The following RAF1 variants were observed in gnomAD, a reference collection of about 807,000 sequenced individuals.
The protein encoded by RAF1 is RAF proto-oncogene serine/threonine-protein kinase.
In RAF1, 27 loss-of-function variants were observed where a neutral mutation model predicts 81.1. That is an observed-to-expected ratio of 0.33 (90% confidence interval 0.25 to 0.46). RAF1 has a LOEUF of 0.46. Ranked by LOEUF, RAF1 falls within the 20% of genes least tolerant of loss-of-function variation. RAF1 has a pLI of 1.00. For synonymous variants in RAF1, 298 were observed against 294.0 expected, an observed-to-expected ratio of 1.01 and a Z score of -0.14; for missense variants, 598 against 826.0, an observed-to-expected ratio of 0.72 and a Z score of 3.38.
intron 1 of RAF1, among the ~76,000 whole-genome samples, chr3:12,641,555 G>A (rs1409083896): frequency 2.7e-5 from 4 of 146,748 alleles, no homozygotes; most frequent in East Asian, 2.0e-4. Context: ...GTAGTGCCGC[G>A]ATCTCAGCTC....
At chr3:12,616,418 A>G (rs1413129496) in intron 2 of RAF1, among the ~76,000 whole-genome samples, 1 of 152,236 alleles carries the variant, frequency 6.6e-6, no homozygotes, top group African/African-American at 2.4e-5. Context: ...AAAATTAATG[A>G]GAAACAGTAG....
At chr3:12,590,536 G>T in intron 13 of RAF1, 1 of 483,664 alleles carries the variant, frequency 2.1e-6, no homozygotes, top group Non-Finnish European at 3.8e-6. Context: ...TATTGGCAAG[G>T]CTGGTCTCAA....
intron 6 of RAF1, 132 bp from the exon 7 acceptor site, chr3:12,604,421 A>T: frequency 1.0e-6 from 1 of 970,872 alleles, no homozygotes; most frequent in Non-Finnish European, 1.6e-6. Context: ...AAAATGTTTG[A>T]TTCTTTCAAA....
intron 14 of RAF1, 60 bp downstream of exon 13, chr3:12,587,531 C>T (rs2058366945): frequency 4.1e-6 from 6 of 1,459,342 alleles, no homozygotes; most frequent in African/African-American, 1.4e-5. Flanking sequence ...AGAAAGCCTC[C>T]CTTCTGTTTC....
At chr3:12,618,250 C>T (rs1170643527) in intron 2 of RAF1, among the ~76,000 whole-genome samples, 1 of 151,926 alleles carries the variant, frequency 6.6e-6, no homozygotes, top group Non-Finnish European at 1.5e-5. Flanking sequence ...GAAATATACC[C>T]ATAAGAATGT....
At chr3:12,627,526 CCA>C (rs1385515939) in intron 1 of RAF1, among the ~76,000 whole-genome samples, 3 of 152,166 alleles carry the variant, frequency 2.0e-5, no homozygotes, top group Non-Finnish European at 4.4e-5. Context: ...CTCATAATTG[CCA>C]GTTATCTTAG....
At chr3:12,626,463 C>A (rs938060901) in intron 1 of RAF1, among the ~76,000 whole-genome samples, 14 of 151,456 alleles carry the variant, frequency 9.2e-5, no homozygotes, top group African/African-American at 3.2e-4. Flanking sequence ...TCATGGCATG[C>A]ACCTGTAGAC....
chr3:12,616,742 C>G lies in RAF1; in HGVS notation c.207+1773G>C, dbSNP rs534161343. Among the ~76,000 whole-genome samples, 4 of 152,260 alleles carry G rather than the reference C, an allele frequency of 2.6e-5. No homozygotes were observed. The South Asian group carries it at 8.3e-4, about 32-fold the overall frequency. On this transcript the variant is annotated intron_variant, in intron 2 of 17. Transcript: ENST00000442415. ...TCCCCACCTCAGAACCTTGCTTCAC[C>G]TGACTATATGGAATAAACACAATGC...
chr3:12,599,341 A>G, intron 11 of RAF1: 1 of 252,178 alleles, frequency 4.0e-6, no homozygotes, highest in Non-Finnish European at 7.8e-6. Context: ...TCCAGCTTAA[A>G]GTTTCTAGAA....
chr3:12,606,349 A>G, intron 5 of RAF1, 50 bp from the exon 6 acceptor site: 1 of 1,369,944 alleles, frequency 7.3e-7, no homozygotes. Flanking sequence ...GTAATCTTAC[A>G]GAGACAATCA....
At chr3:12,618,784 A>G in intron 1 of RAF1, 37 bp from the exon 2 acceptor site, 6 of 1,520,938 alleles carry the variant, frequency 3.9e-6, no homozygotes, top group Non-Finnish European at 5.4e-6. Context: ...CTCTAGAACA[A>G]AAGTATTCAA....
intron 1 of RAF1, among the ~76,000 whole-genome samples, chr3:12,624,463 A>G (rs184830341): frequency 6.6e-6 from 1 of 152,344 alleles, no homozygotes; most frequent in African/African-American, 2.4e-5. Flanking sequence ...ACCTTCAAAT[A>G]TAAGCATAGA....
At chr3:12,593,080 G>C (rs2058570331) in intron 11 of RAF1, among the ~76,000 whole-genome samples, 2 of 142,754 alleles carry the variant, frequency 1.4e-5, no homozygotes, top group African/African-American at 5.4e-5. Context: ...CTCTCTGTTG[G>C]AGCCTTCCTC....
rs754692271 is a variant in RAF1 at position 12,585,260 on chromosome 3, G to GTATCACCATATGACAAAAGTGCATT, written c.1597-32_1597-8dup. ...TTCGGATCACCTCTGGGGCCTACAT[G>GTATCACCATATGACAAAAGTGCATT]TATCACCATATGACAAAAGTGCATT... On this transcript the variant is annotated splice_region_variant and splice_polypyrimidine_tract_variant and intron_variant, in intron 15 of 17. Transcript: ENST00000442415. 1 of 1,614,002 alleles carries GTATCACCATATGACAAAAGTGCATT rather than the reference G, an allele frequency of 6.2e-7. No homozygotes were observed. Among genetic ancestry groups the GTATCACCATATGACAAAAGTGCATT allele is most frequent in the Non-Finnish European group, 8.5e-7 (1 of 1,180,014 alleles).
At chr3:12,625,430 G>A (rs549845822) in intron 1 of RAF1, among the ~76,000 whole-genome samples, 1 of 152,296 alleles carries the variant, frequency 6.6e-6, no homozygotes, top group Non-Finnish European at 1.5e-5. Flanking sequence ...AGCATTTGAA[G>A]TATTCTACTC....
At chr3:12,605,061 A>T (rs2058981811) in intron 6 of RAF1, among the ~76,000 whole-genome samples, 1 of 152,204 alleles carries the variant, frequency 6.6e-6, no homozygotes, top group South Asian at 2.1e-4. Context: ...ATGGCTTCAG[A>T]GGCCTGGTTT....
At chr3:12,598,737 A>C (rs865881815) in intron 11 of RAF1, among the ~76,000 whole-genome samples, 1 of 146,782 alleles carries the variant, frequency 6.8e-6, no homozygotes, top group South Asian at 2.1e-4. Context: ...AAAAAAAAAA[A>C]AAAAAAAAAA....
intron 1 of RAF1, among the ~76,000 whole-genome samples, chr3:12,632,828 T>C (rs1157187396): frequency 6.6e-6 from 1 of 152,140 alleles, no homozygotes; most frequent in Non-Finnish European, 1.5e-5. Context: ...ACATTACCCA[T>C]CTGACGTGAA....
chr3:12,612,454 G>A (rs2059243472), intron 2 of RAF1, among the ~76,000 whole-genome samples: 1 of 152,016 alleles, frequency 6.6e-6, no homozygotes, highest in Admixed American at 6.6e-5. Context: ...TACGAGACCA[G>A]CCTGGCCAAC....
Sources: gnomAD v4.1 joint callset for allele counts (sites outside exome capture counted in the v4.1 genomes callset) on GRCh38, gnomAD v4.1.1 for gene constraint, MANE v1.5 for transcripts, NCBI Gene and HGNC (gene_info 2026-07-23, HGNC 2026-07-21) for gene names.